Variants in TMC1 observed in about 807,000 individuals in gnomAD.
The protein encoded by TMC1 is transmembrane channel like 1.
A neutral mutation model predicts 105.8 loss-of-function variants in TMC1; 84 were observed. The observed-to-expected ratio is 0.79, with a 90% CI of 0.67 to 0.95. The LOEUF (loss-of-function observed/expected upper bound fraction) is 0.95. Among genes scored for constraint, TMC1 ranks in the 40% least tolerant of loss-of-function variants. The pLI is 0.00. For missense variants in TMC1, 817 were observed against 914.1 expected, an observed-to-expected ratio of 0.89 and a Z score of 1.37; for synonymous variants, 315 against 311.5, an observed-to-expected ratio of 1.01 and a Z score of -0.12.
At chr9:72,766,113 T>A (rs1315411995) in intron 12 of TMC1, among the ~76,000 whole-genome samples, 2 of 152,138 alleles carry the variant, frequency 1.3e-5, no homozygotes, top group Non-Finnish European at 2.9e-5. Flanking sequence ...TGAGATTATG[T>A]GTGTAAAGTA....
At chr9:72,806,000 G>A (rs911517276) in intron 18 of TMC1, among the ~76,000 whole-genome samples, 9 of 151,894 alleles carry the variant, frequency 5.9e-5, no homozygotes, top group East Asian at 1.9e-4. Context: ...CACCTTTCCC[G>A]CCTTTCTATT....
chr9:72,738,190 T>C (rs542258589), intron 8 of TMC1, among the ~76,000 whole-genome samples: 2 of 152,296 alleles, frequency 1.3e-5, no homozygotes, highest in Admixed American at 6.5e-5. Flanking sequence ...GGAAACTGAT[T>C]TGGGAGTTCT....
intron 12 of TMC1, among the ~76,000 whole-genome samples, chr9:72,769,737 G>T (rs957541226): frequency 1.3e-5 from 2 of 152,142 alleles, no homozygotes; most frequent in Non-Finnish European, 2.9e-5. Flanking sequence ...AAATGTATAC[G>T]GTGATGTTAC....
At chr9:72,827,090 G>T (rs1473454465) in intron 21 of TMC1, 96 bp downstream of exon 21, 2 of 1,522,914 alleles carry the variant, frequency 1.3e-6, no homozygotes, top group East Asian at 2.3e-5. Flanking sequence ...TCTCCCTAAG[G>T]GTTCTGCTGT....
At chr9:72,634,116 T>C (rs1011822246) in intron 4 of TMC1, among the ~76,000 whole-genome samples, 4 of 152,084 alleles carry the variant, frequency 2.6e-5, no homozygotes, top group African/African-American at 9.7e-5. Flanking sequence ...GTGCTGCTGA[T>C]GAGTTGTGGA....
intron 17 of TMC1, among the ~76,000 whole-genome samples, chr9:72,795,811 T>C (rs1407796085): frequency 6.6e-6 from 1 of 151,972 alleles, no homozygotes; most frequent in African/African-American, 2.4e-5. Flanking sequence ...TAATCTTGAA[T>C]GTAAATGGGC....
chr9:72,792,079 C>T lies in TMC1; in HGVS notation c.1404+14C>T. The T allele has an allele frequency of 6.2e-7, 1 of 1,613,860 alleles. No homozygotes were observed. Among genetic ancestry groups the T allele is most frequent in the Non-Finnish European group, 8.5e-7 (1 of 1,179,838 alleles). On this transcript the variant is annotated intron_variant, in intron 16 of 23. Transcript: ENST00000297784. ...ATTAACAACAAGGTAAGCCTTGTTT[C>T]TGGATTGTCCTTGCCATAAGAGTGT...
chr9:72,541,957 CAAAAACAA>C (rs1425506586), intron 1 of TMC1, among the ~76,000 whole-genome samples: 1 of 151,856 alleles, frequency 6.6e-6, no homozygotes, highest in Non-Finnish European at 1.5e-5. Context: ...TGTTAAAAAA[CAAAAACAA>C]AAAAACACAA....
rs528537309 is a variant in TMC1 at position 72,737,581 on chromosome 9, A to T, written c.363-2538A>T. Among the ~76,000 whole-genome samples the T allele has an allele frequency of 6.9e-4, 105 of 152,272 alleles. 1 individual carries two copies. The highest frequency in any genetic ancestry group is 2.5e-3 in the African/African-American group (102 of 41,564). ...GTATGTGGGACAAAGAGCATCAGAA[A>T]CATGGGCAAGGTCATAGAGACAGAT... On this transcript the variant is annotated intron_variant, in intron 8 of 23. Coordinates refer to ENST00000297784, the MANE Select transcript of TMC1 (RefSeq NM_138691.3).
chr9:72,789,057 T>C (rs1278947227), intron 14 of TMC1, 66 bp from the exon 15 acceptor site: 5 of 1,516,680 alleles, frequency 3.3e-6, no homozygotes, highest in African/African-American at 2.8e-5. Flanking sequence ...GTTTTGATAC[T>C]TTTAAAATGT....
chr9:72,681,736 A>G (rs1435134727), intron 5 of TMC1, among the ~76,000 whole-genome samples: 1 of 152,134 alleles, frequency 6.6e-6, no homozygotes, highest in African/African-American at 2.4e-5. Flanking sequence ...TTGTAAAAGG[A>G]TAGAATGGGG....
intron 1 of TMC1, among the ~76,000 whole-genome samples, chr9:72,567,540 T>C (rs2132085881): frequency 6.6e-6 from 1 of 152,296 alleles, no homozygotes; most frequent in African/African-American, 2.4e-5. Flanking sequence ...AGGCACCTCT[T>C]CACGGGGTGG....
At chr9:72,681,559 T>C (rs1220478300) in intron 5 of TMC1, among the ~76,000 whole-genome samples, 1 of 152,180 alleles carries the variant, frequency 6.6e-6, no homozygotes, top group East Asian at 1.9e-4. Context: ...TATTTGCTCT[T>C]CCAGCTCAGG....
At chr9:72,797,250 C>A (rs1283039182) in intron 17 of TMC1, among the ~76,000 whole-genome samples, 1 of 152,156 alleles carries the variant, frequency 6.6e-6, no homozygotes, top group Non-Finnish European at 1.5e-5. Flanking sequence ...ATTCAATGCT[C>A]ATACATGGGA....
intron 8 of TMC1, among the ~76,000 whole-genome samples, chr9:72,739,334 G>A (rs1827351241): frequency 6.6e-6 from 1 of 152,172 alleles, no homozygotes; most frequent in Admixed American, 6.5e-5. Context: ...TCATGTTGGA[G>A]ATTAGATTTC....
intron 23 of TMC1, among the ~76,000 whole-genome samples, chr9:72,832,774 G>C (rs1829061576): frequency 6.6e-6 from 1 of 152,064 alleles, no homozygotes; most frequent in Non-Finnish European, 1.5e-5. Context: ...ACAGTTATCA[G>C]ACTAGTTTTT....
chr9:72,674,829 G>C (rs551386515), intron 5 of TMC1, among the ~76,000 whole-genome samples: 6 of 152,258 alleles, frequency 3.9e-5, no homozygotes, highest in Admixed American at 2.0e-4. Flanking sequence ...TTTGTCCATG[G>C]AATCCATTAA....
chr9:72,758,649 A>G (rs982127578), intron 12 of TMC1, among the ~76,000 whole-genome samples: 1 of 152,178 alleles, frequency 6.6e-6, no homozygotes, highest in Non-Finnish European at 1.5e-5. Context: ...TAGAATGGGC[A>G]GAGATGTCCT....
At chr9:72,700,325 C>T (rs377651584) in intron 7 of TMC1, among the ~76,000 whole-genome samples, 193 bp from the exon 8 acceptor site, 173 of 151,920 alleles carry the variant, frequency 1.1e-3, no homozygotes, top group African/African-American at 4.1e-3. Context: ...AACACTACTG[C>T]TTAAAGTTAT....
Sources: gnomAD v4.1 joint callset for allele counts (sites outside exome capture counted in the v4.1 genomes callset) on GRCh38, gnomAD v4.1.1 for gene constraint, MANE v1.5 for transcripts, NCBI Gene and HGNC (gene_info 2026-07-23, HGNC 2026-07-21) for gene names.